Variants in ARMC3 observed in about 807,000 individuals in gnomAD.
The protein encoded by ARMC3 is armadillo repeat-containing protein 3.
ARMC3 carries 74 observed loss-of-function variants against 90.3 expected under a neutral mutation model. The ratio of observed to expected loss-of-function variants is 0.82; its 90% CI spans 0.68 to 0.99. The LOEUF is 0.99. ARMC3 is among the 50% of genes least tolerant of loss of function. The probability of loss-of-function intolerance (pLI) is 0.00; values close to 1 mark genes in which losing one functional copy is unlikely to be tolerated. For missense variants in ARMC3, 958 were observed against 1,042.8 expected, an observed-to-expected ratio of 0.92 and a Z score of 1.12; for synonymous variants, 334 against 361.8, an observed-to-expected ratio of 0.92 and a Z score of 0.87.
At chr10:23,016,046 A>G (rs554227648) in intron 16 of ARMC3, among the ~76,000 whole-genome samples, 1 of 152,294 alleles carries the variant, frequency 6.6e-6, no homozygotes, top group Non-Finnish European at 1.5e-5. Context: ...AACAAATCCT[A>G]TCTCTACTTT....
chr10:23,020,455 A>T (rs1009084539), intron 16 of ARMC3, among the ~76,000 whole-genome samples: 2 of 152,168 alleles, frequency 1.3e-5, no homozygotes, highest in African/African-American at 4.8e-5. Context: ...TCTCTAGGGT[A>T]AATACCTGGG....
intron 16 of ARMC3, among the ~76,000 whole-genome samples, chr10:23,019,851 T>G (rs529239672): frequency 2.4e-4 from 36 of 152,240 alleles, no homozygotes; most frequent in South Asian, 6.2e-4. Context: ...CAGCCACGCC[T>G]GTTAGTCTTT....
chr10:22,941,428 A>AG (rs2131165488), intron 2 of ARMC3, among the ~76,000 whole-genome samples: 1 of 152,286 alleles, frequency 6.6e-6, no homozygotes, highest in South Asian at 2.1e-4. Context: ...TTTAGTTGAC[A>AG]GGGAGGAGTT....
intron 10 of ARMC3, among the ~76,000 whole-genome samples, chr10:22,982,245 G>C (rs991599330): frequency 2.0e-5 from 3 of 152,204 alleles, no homozygotes; most frequent in African/African-American, 7.2e-5. Context: ...GGGCGTGGTG[G>C]CATGCGCCTG....
chr10:23,006,988 C>A lies in ARMC3; in HGVS notation c.1829+7C>A. 6.3e-7 allele frequency: 1 copy of A among 1,592,430 alleles called. No individual in the cohort carries two copies. Among genetic ancestry groups the A allele is most frequent in the South Asian group, 1.1e-5 (1 of 88,136 alleles). ...TCAACAGTAAATCTTACGTGTGAGTCTCTGCAGGGAGAGGGGATGAAGGGA... is the reference window on the plus strand; with the variant it reads ...TCAACAGTAAATCTTACGTGTGAGTATCTGCAGGGAGAGGGGATGAAGGGA... On this transcript the variant is annotated splice_region_variant and intron_variant, in intron 14 of 18. Coordinates refer to ENST00000298032, the MANE Select transcript of ARMC3 (RefSeq NM_173081.5).
chr10:23,003,194 A>G, intron 12 of ARMC3, 52 bp from the exon 13 acceptor site: 1 of 1,514,192 alleles, frequency 6.6e-7, no homozygotes, highest in Non-Finnish European at 8.9e-7. Context: ...GTGGAGACTC[A>G]GTATTGGATG....
intron 1 of ARMC3, among the ~76,000 whole-genome samples, chr10:22,931,013 C>T (rs1176120750): frequency 3.3e-5 from 5 of 152,042 alleles, no homozygotes; most frequent in Admixed American, 6.5e-5. Context: ...CTGCAGCCTC[C>T]GCCTCCCGGG....
intron 16 of ARMC3, chr10:23,014,139 G>A (rs1838159501): frequency 1.3e-6 from 2 of 1,544,154 alleles, no homozygotes; most frequent in African/African-American, 1.4e-5. Context: ...AGCACTCCTA[G>A]GATTTAAGAG....
chr10:22,959,254 A>C lies in ARMC3; in HGVS notation c.361+116A>C, dbSNP rs901674971. 3.8e-6 allele frequency: 5 copies of C among 1,319,762 alleles called. No individual in the cohort carries two copies. In the South Asian group the frequency reaches 3.9e-5, roughly 10 times the overall value. 81.8% of individuals were successfully genotyped at this position (1,319,762 alleles called of 1,614,324 possible). ...GTAAAGTGTTATTAAAATCTCTCAAACCACAGCTCAATTTTGAGTTTATAA... is the reference window on the plus strand; with the variant it reads ...GTAAAGTGTTATTAAAATCTCTCAACCCACAGCTCAATTTTGAGTTTATAA... On this transcript the variant is annotated intron_variant, in intron 5 of 18. Transcript: ENST00000298032.
chr10:23,002,083 G>T, intron 12 of ARMC3, 28 bp downstream of exon 12: 1 of 1,610,130 alleles, frequency 6.2e-7, no homozygotes, highest in Non-Finnish European at 8.5e-7. Flanking sequence ...CAAGTTTCTG[G>T]CTCAGATGAA....
chr10:23,029,476 C>G (rs560758041), intron 16 of ARMC3, among the ~76,000 whole-genome samples: 2 of 152,196 alleles, frequency 1.3e-5, no homozygotes, highest in South Asian at 4.2e-4. Context: ...AGAACCCATG[C>G]TATTGTTTTT....
intron 16 of ARMC3, among the ~76,000 whole-genome samples, chr10:23,016,690 G>T (rs1262017620): frequency 6.6e-6 from 1 of 152,166 alleles, no homozygotes; most frequent in Non-Finnish European, 1.5e-5. Flanking sequence ...CAAAAGAAAT[G>T]CTTCTATTTA....
intron 17 of ARMC3, chr10:23,031,296 C>A (rs985615492): frequency 5.5e-5 from 9 of 162,238 alleles, no homozygotes; most frequent in African/African-American, 2.2e-4. Context: ...TAGGCAGGCT[C>A]AGGGCTCTGT....
intron 16 of ARMC3, among the ~76,000 whole-genome samples, chr10:23,021,577 T>C (rs1290626677): frequency 6.6e-6 from 1 of 152,250 alleles, no homozygotes; most frequent in East Asian, 1.9e-4. Flanking sequence ...ATTAGTGATG[T>C]TGCAGATTTT....
At chr10:23,012,975 G>A (rs11013241) in intron 16 of ARMC3, among the ~76,000 whole-genome samples, 3,263 of 148,458 alleles carry the variant, frequency 0.022, 120 homozygotes, top group African/African-American at 0.078. Flanking sequence ...TGCAACTTCC[G>A]CCTCCCAGGT....
At chr10:22,939,353 G>C (rs1354931192) in intron 2 of ARMC3, among the ~76,000 whole-genome samples, 2 of 152,118 alleles carry the variant, frequency 1.3e-5, no homozygotes, top group African/African-American at 4.8e-5. Context: ...ACTCCACCTG[G>C]CAAAGGACAT....
chr10:22,939,483 A>G (rs571166028), intron 2 of ARMC3, among the ~76,000 whole-genome samples: 14 of 152,194 alleles, frequency 9.2e-5, no homozygotes, highest in South Asian at 2.1e-4. Flanking sequence ...TGGGGCATTA[A>G]TAAGAGTCCC....
intron 10 of ARMC3, among the ~76,000 whole-genome samples, chr10:22,994,299 C>T (rs1416756344): frequency 6.6e-6 from 1 of 152,046 alleles, no homozygotes; most frequent in East Asian, 1.9e-4. Context: ...GCAAGAGAAG[C>T]TTAGAGCACG....
At chr10:22,984,523 T>C (rs1196620512) in intron 10 of ARMC3, among the ~76,000 whole-genome samples, 2 of 152,172 alleles carry the variant, frequency 1.3e-5, no homozygotes, top group African/African-American at 4.8e-5. Context: ...TGTAAATTAA[T>C]TTATAGTCTA....
Sources: allele counts gnomAD v4.1 joint callset (sites outside exome capture counted in the v4.1 genomes callset), GRCh38; gene constraint gnomAD v4.1.1; transcripts MANE v1.5; gene names NCBI Gene and HGNC (gene_info 2026-07-23, HGNC 2026-07-21).